RELCH: variants seen among roughly 807,000 people sequenced by gnomAD.
RELCH encodes the protein RAB11 binding and LisH domain, coiled-coil and HEAT repeat containing.
Under a neutral mutation model 150.3 loss-of-function variants are expected in RELCH, and 41 were observed. The observed-to-expected ratio is 0.27, with a 90% CI of 0.21 to 0.35. The LOEUF (loss-of-function observed/expected upper bound fraction) is 0.35. Ranked by LOEUF, RELCH falls within the 10% of genes least tolerant of loss-of-function variation. The pLI, the probability that RELCH is intolerant of heterozygous loss-of-function variation, is 1.00. For synonymous variants in RELCH, 478 were observed against 531.8 expected, an observed-to-expected ratio of 0.90 and a Z score of 1.39; for missense variants, 1,092 against 1,467.8, an observed-to-expected ratio of 0.74 and a Z score of 4.18.
intron 20 of RELCH, among the ~76,000 whole-genome samples, chr18:62,273,641 C>T (rs2044031009): frequency 1.3e-5 from 2 of 152,218 alleles, no homozygotes; most frequent in East Asian, 1.9e-4. Context: ...GCACTTGCCA[C>T]GTGTGTCTAT....
chr18:62,271,438 G>GT (rs1429728346), intron 20 of RELCH, among the ~76,000 whole-genome samples: 1 of 145,820 alleles, frequency 6.9e-6, no homozygotes, highest in Non-Finnish European at 1.5e-5. Context: ...TGATGGGGTT[G>GT]TTTTTTTCTT....
chr18:62,235,239 A>G (rs905135630), intron 10 of RELCH: 1 of 152,042 alleles, frequency 6.6e-6, no homozygotes, highest in Non-Finnish European at 1.5e-5. Flanking sequence ...CCTCTTTTGA[A>G]TAGTCTTGCT....
intron 28 of RELCH, among the ~76,000 whole-genome samples, chr18:62,303,159 C>A (rs1396741132): frequency 5.4e-5 from 8 of 146,850 alleles, no homozygotes; most frequent in African/African-American, 1.5e-4. Flanking sequence ...TGCTGTAATG[C>A]AATGATTTTT....
chr18:62,266,606 A>AAATG (rs1455428880), intron 18 of RELCH, 95 bp from the exon 19 acceptor site: 2 of 692,908 alleles, frequency 2.9e-6, no homozygotes, highest in Non-Finnish European at 5.0e-6. Context: ...CTAAATAAAT[A>AAATG]AATGAATAGT....
Position 62,258,108 on chromosome 18 carries a change from C to A in RELCH, c.2037+20C>A. On this transcript the variant is annotated intron_variant, in intron 14 of 28. Coordinates refer to ENST00000644646, the MANE Select transcript of RELCH (RefSeq NM_001346231.2). Reference sequence around the variant, plus strand: ...CATCAGGTATGTTTTTCAGAATGAACTGATTTTACTCCATTATAAAATTCC... The same window carrying A: ...CATCAGGTATGTTTTTCAGAATGAAATGATTTTACTCCATTATAAAATTCC... The A allele has an allele frequency of 6.4e-7, 1 of 1,565,800 alleles. No homozygotes were observed. The highest frequency in any genetic ancestry group is 8.7e-7 in the Non-Finnish European group (1 of 1,148,546).
intron 20 of RELCH, among the ~76,000 whole-genome samples, chr18:62,271,479 G>A (rs1319444683): frequency 6.8e-6 from 1 of 147,266 alleles, no homozygotes; most frequent in Admixed American, 6.6e-5. Context: ...TGTAGATTCT[G>A]GATAATAGCC....
chr18:62,217,243 GAA>G (rs1482814767), intron 2 of RELCH, among the ~76,000 whole-genome samples: 1 of 151,742 alleles, frequency 6.6e-6, no homozygotes, highest in Non-Finnish European at 1.5e-5. Flanking sequence ...ACAAAAGTGG[GAA>G]AAAAGAAAAA....
Position 62,309,512 on chromosome 18 carries a change from C to G in RELCH, c.*3978C>G, listed in dbSNP as rs1413502743. 6.6e-6 allele frequency: 1 copy of G among 152,034 alleles called. No individual in the cohort carries two copies. The highest frequency in any genetic ancestry group is 1.9e-4 in the East Asian group (1 of 5,194). The allele number at this position is 152,034 out of a possible 1,614,324, so 9.4% of individuals were successfully genotyped here. On this transcript the variant is annotated 3_prime_UTR_variant, in exon 29 of 29. Transcript: ENST00000644646. Reference sequence around the variant, plus strand: ...TGTTTAAGAAAAATCTTAAAACATCCTATTCTCTGTTAAGACCACACCAAT... The same window carrying G: ...TGTTTAAGAAAAATCTTAAAACATCGTATTCTCTGTTAAGACCACACCAAT...
At chr18:62,219,418 A>G (rs1056259302) in intron 2 of RELCH, among the ~76,000 whole-genome samples, 5 of 143,138 alleles carry the variant, frequency 3.5e-5, no homozygotes, top group Admixed American at 3.0e-4. Flanking sequence ...TTTAAGTGAT[A>G]TCAAAAGCAT....
intron 19 of RELCH, 161 bp from the exon 20 acceptor site, chr18:62,268,708 T>G: frequency 2.6e-6 from 1 of 390,990 alleles, no homozygotes; most frequent in South Asian, 5.5e-5. Flanking sequence ...AACACTAAGT[T>G]GTATTTTACA....
chr18:62,253,138 C>T (rs903544735), intron 12 of RELCH, among the ~76,000 whole-genome samples: 8 of 152,012 alleles, frequency 5.3e-5, no homozygotes, highest in African/African-American at 1.9e-4. Context: ...GGGGAATGCT[C>T]TCCTATGAAG....
intron 8 of RELCH, among the ~76,000 whole-genome samples, chr18:62,229,518 G>GTGTGTGTGTGTGTGTGTC (rs539055675): frequency 1.4e-5 from 2 of 147,646 alleles, no homozygotes; most frequent in African/African-American, 5.0e-5. Context: ...GTGTGTGTGT[G>GTGTGTGTGTGTGTGTGTC]TGTCTGTCTG....
chr18:62,195,862 A>AT (rs1455821952), intron 1 of RELCH, among the ~76,000 whole-genome samples: 7 of 151,754 alleles, frequency 4.6e-5, no homozygotes, highest in Admixed American at 2.0e-4. Flanking sequence ...CACCCAGCCA[A>AT]TTTTTTTATT....
At chr18:62,244,017 A>G (rs1158740751) in intron 10 of RELCH, among the ~76,000 whole-genome samples, 1 of 152,068 alleles carries the variant, frequency 6.6e-6, no homozygotes, top group Non-Finnish European at 1.5e-5. Flanking sequence ...CACTCAAATG[A>G]AAAACATTAA....
chr18:62,223,514 G>C (rs2041014206), intron 5 of RELCH, among the ~76,000 whole-genome samples: 1 of 151,988 alleles, frequency 6.6e-6, no homozygotes, highest in Admixed American at 6.6e-5. Context: ...AAACATTGGA[G>C]GAAGAAGTAA....
rs1205301376 is a variant in RELCH, at chr18:62,261,654, A to G, written c.2346A>G (p.Ile782Met). The G allele has an allele frequency of 6.2e-7, 1 of 1,610,246 alleles. No homozygotes were observed. Among genetic ancestry groups the G allele is most frequent in the African/African-American group, 1.3e-5 (1 of 74,766 alleles). ...AGCTTCATGGTGAAGTGCCACAGATAGAAGGTACTGAACTTAAATTCTGGA... is the reference window on the plus strand; with the variant it reads ...AGCTTCATGGTGAAGTGCCACAGATGGAAGGTACTGAACTTAAATTCTGGA... The part of the protein sequence containing the change: ...KAKLHGEVPQ[I>M]EVTRFPRPMS... Residue 782 changes from isoleucine (I) to methionine (M), a missense_variant, in exon 16 of 29, where the codon ATA (isoleucine) becomes ATG (methionine). Ile to Met is a conservative substitution (Grantham distance 10). Around this residue, in one of 4 missense-constraint regions of RELCH, gnomAD observed 707 missense variants for 1,025.4 expected, o/e 0.69. Coordinates refer to ENST00000644646, the MANE Select transcript of RELCH (RefSeq NM_001346231.2).
chr18:62,200,768 T>C (rs2039378785), intron 1 of RELCH, among the ~76,000 whole-genome samples: 1 of 152,058 alleles, frequency 6.6e-6, no homozygotes, highest in South Asian at 2.1e-4. Flanking sequence ...GTGGTTTTAC[T>C]CTGACGTTTA....
intron 1 of RELCH, among the ~76,000 whole-genome samples, chr18:62,205,706 CATT>C (rs2039733889): frequency 6.6e-6 from 1 of 152,122 alleles, no homozygotes; most frequent in South Asian, 2.1e-4. Context: ...TTTCTGTCAT[CATT>C]ATTTTTGTTT....
rs775809138 is a variant in RELCH at position 62,305,339 on chromosome 18, T to G, written c.3531-75T>G. ...CGCCAATTCAGAGTGTGTTCGTTAA[T>G]GATATGCTACTAAATAAATGAAAAA... On this transcript the variant is annotated intron_variant, in intron 28 of 28. Coordinates refer to ENST00000644646, the MANE Select transcript of RELCH (RefSeq NM_001346231.2). This position sits in a 1 kb window ranked among gnomAD's most constrained non-coding sequence, Gnocchi z 4.0. 64 of 1,313,960 alleles carry G rather than the reference T, an allele frequency of 4.9e-5. No homozygotes were observed. The highest frequency in any genetic ancestry group is 6.3e-5 in the Non-Finnish European group (61 of 962,226). The allele number at this position is 1,313,960 out of a possible 1,614,324, so 81.4% of individuals were successfully genotyped here.
Sources: allele counts gnomAD v4.1 joint callset (sites outside exome capture counted in the v4.1 genomes callset), GRCh38; gene constraint gnomAD v4.1.1; regional missense constraint gnomAD v4.1.1; non-coding constraint Gnocchi (gnomAD v3.1); transcripts MANE v1.5; gene names NCBI Gene and HGNC (gene_info 2026-07-23, HGNC 2026-07-21).